The following RGS17 variants were observed in gnomAD, a reference collection of about 807,000 sequenced individuals.
RGS17 encodes the protein regulator of G-protein signaling 17.
A neutral mutation model predicts 25.5 loss-of-function variants in RGS17; 12 were observed. That is an observed-to-expected ratio of 0.47 (90% CI 0.30 to 0.76). The LOEUF (loss-of-function observed/expected upper bound fraction) is 0.76. Among genes scored for constraint, RGS17 ranks in the 30% least tolerant of loss-of-function variants. The probability of loss-of-function intolerance (pLI) is 0.07; values close to 1 mark genes in which losing one functional copy is unlikely to be tolerated. For synonymous variants in RGS17, 71 were observed against 76.9 expected (o/e 0.92, Z 0.40); for missense variants, 196 against 242.2 (o/e 0.81, Z 1.27).
chr6:153,051,515 A>G (rs1409542070), intron 1 of RGS17, among the ~76,000 whole-genome samples: 1 of 152,230 alleles, frequency 6.6e-6, no homozygotes. Context: ...CATCTTGTGC[A>G]ATGGAGAACA....
intron 1 of RGS17, among the ~76,000 whole-genome samples, chr6:153,088,318 C>A (rs1777079880): frequency 2.0e-5 from 3 of 152,098 alleles, no homozygotes; most frequent in Admixed American, 2.0e-4. Flanking sequence ...TGGTTTTGCT[C>A]CTAAATTTTG....
chr6:153,013,539 GTTAAAC>G (rs1294238308), intron 4 of RGS17, among the ~76,000 whole-genome samples: 3 of 152,202 alleles, frequency 2.0e-5, no homozygotes, highest in African/African-American at 4.8e-5. Context: ...GAAATGGTTA[GTTAAAC>G]TTAATGAGGA....
At chr6:153,103,204 C>T (rs1277021256) in intron 1 of RGS17, among the ~76,000 whole-genome samples, 1 of 152,140 alleles carries the variant, frequency 6.6e-6, no homozygotes, top group Non-Finnish European at 1.5e-5. Flanking sequence ...TGGACTGTAA[C>T]ACAGCATTAG....
chr6:153,051,939 ATGT>A (rs1027808175), intron 1 of RGS17, among the ~76,000 whole-genome samples: 3 of 152,220 alleles, frequency 2.0e-5, no homozygotes, highest in African/African-American at 4.8e-5. Context: ...GAATGAAGAA[ATGT>A]TGTCAGATTT....
At chr6:153,046,357 C>T (rs918053447) in intron 1 of RGS17, among the ~76,000 whole-genome samples, 1 of 151,878 alleles carries the variant, frequency 6.6e-6, no homozygotes, top group Admixed American at 6.6e-5. Flanking sequence ...ATTCCCAACA[C>T]AGAGTAATGA....
chr6:153,011,570 A>G lies in RGS17; in HGVS notation c.*4T>C. ...CCTCCAAAATGATTGTTTTTAAATG[A>G]ACATTAAGATTCAGAAGAAGAGCCA... On this transcript the variant is annotated 3_prime_UTR_variant, in exon 5 of 5. Transcript: ENST00000206262. 1 of 1,583,068 alleles carries G rather than the reference A, an allele frequency of 6.3e-7. No individual in the cohort carries two copies.
chr6:153,129,821 G>C (rs941499983), intron 1 of RGS17, among the ~76,000 whole-genome samples: 1 of 152,250 alleles, frequency 6.6e-6, no homozygotes, highest in Non-Finnish European at 1.5e-5. Context: ...AAAGGTCAGG[G>C]GAGGTCAGGA....
intron 1 of RGS17, among the ~76,000 whole-genome samples, chr6:153,102,850 C>G (rs1777325362): frequency 1.3e-5 from 2 of 152,172 alleles, no homozygotes; most frequent in South Asian, 4.1e-4. Flanking sequence ...GTGTATGTGT[C>G]TTGTTTTATG....
chr6:153,051,766 A>AAAGG (rs1463413289), intron 1 of RGS17, among the ~76,000 whole-genome samples: 2 of 152,206 alleles, frequency 1.3e-5, no homozygotes, highest in African/African-American at 2.4e-5. Context: ...AGCTTGGAAA[A>AAAGG]TTCTCAGCCA....
intron 1 of RGS17, among the ~76,000 whole-genome samples, chr6:153,115,946 G>A (rs190687819): frequency 2.9e-4 from 44 of 152,282 alleles, no homozygotes; most frequent in African/African-American, 1.0e-3. Context: ...AGACTTAAAC[G>A]TAAAACCTAA....
At chr6:153,080,798 G>T (rs1776967164) in intron 1 of RGS17, among the ~76,000 whole-genome samples, 1 of 150,262 alleles carries the variant, frequency 6.7e-6, no homozygotes, top group South Asian at 2.1e-4. Context: ...TATAAAAATT[G>T]TTATTTTCAT....
intron 1 of RGS17, among the ~76,000 whole-genome samples, chr6:153,051,729 T>G (rs984827591): frequency 5.3e-5 from 8 of 152,154 alleles, no homozygotes; most frequent in African/African-American, 1.9e-4. Context: ...GAGGGACTTA[T>G]CAAACAACAA....
intron 1 of RGS17, among the ~76,000 whole-genome samples, chr6:153,097,503 A>G (rs1242975973): frequency 1.3e-5 from 2 of 151,948 alleles, no homozygotes; most frequent in East Asian, 3.9e-4. Flanking sequence ...GGACTAAAGA[A>G]CAGTAAGTTC....
At chr6:153,042,450 T>C (rs1776334415) in intron 2 of RGS17, among the ~76,000 whole-genome samples, 1 of 152,196 alleles carries the variant, frequency 6.6e-6, no homozygotes, top group Non-Finnish European at 1.5e-5. Context: ...GCAGTTCCCC[T>C]GCACATGCAC....
At chr6:153,054,768 T>C (rs1261999091) in intron 1 of RGS17, among the ~76,000 whole-genome samples, 2 of 152,130 alleles carry the variant, frequency 1.3e-5, no homozygotes, top group African/African-American at 4.8e-5. Flanking sequence ...AAACGCTTTA[T>C]TTGCGCTCTT....
At chr6:153,012,131 T>C (rs1584116343) in intron 4 of RGS17, among the ~76,000 whole-genome samples, 1 of 151,914 alleles carries the variant, frequency 6.6e-6, no homozygotes, top group African/African-American at 2.4e-5. Flanking sequence ...CTGGGGGAGG[T>C]TGGCAATATT....
At chr6:153,099,939 C>T (rs1671704692) in intron 1 of RGS17, among the ~76,000 whole-genome samples, 1 of 152,146 alleles carries the variant, frequency 6.6e-6, no homozygotes, top group African/African-American at 2.4e-5. Context: ...TATATGAGAA[C>T]AGCTTTTAAT....
chr6:153,044,586 G>A (rs1776364785), intron 1 of RGS17, among the ~76,000 whole-genome samples: 1 of 152,132 alleles, frequency 6.6e-6, no homozygotes, highest in Non-Finnish European at 1.5e-5. Flanking sequence ...ATCCTCCAGA[G>A]GCCTAACCTT....
intron 1 of RGS17, among the ~76,000 whole-genome samples, chr6:153,123,314 A>C (rs752247532): frequency 2.0e-5 from 3 of 152,150 alleles, no homozygotes; most frequent in Admixed American, 6.5e-5. Context: ...ATTTTTACTT[A>C]TTAAGAGCCC....
Sources: allele counts gnomAD v4.1 joint callset (sites outside exome capture counted in the v4.1 genomes callset), GRCh38; gene constraint gnomAD v4.1.1; transcripts MANE v1.5; gene names NCBI Gene and HGNC (gene_info 2026-07-23, HGNC 2026-07-21).